Variants in ASB3 observed in about 807,000 individuals in gnomAD.
ASB3 encodes ankyrin repeat and SOCS box protein 3.
In ASB3, 41 loss-of-function variants were observed where a neutral mutation model predicts 54.5. That is an observed-to-expected ratio of 0.75 (90% confidence interval 0.59 to 0.98). ASB3 has a LOEUF of 0.98. Ranked by LOEUF, ASB3 falls within the 50% of genes least tolerant of loss-of-function variation. The probability of loss-of-function intolerance (pLI) is 0.00; values close to 1 mark genes in which losing one functional copy is unlikely to be tolerated. For synonymous variants in ASB3, 266 were observed against 221.2 expected (o/e 1.20, Z -1.80); for missense variants, 733 against 620.0 (o/e 1.18, Z -1.94).
At chr2:53,773,480 G>T (rs1395641771) in intron 1 of ASB3, among the ~76,000 whole-genome samples, 2 of 152,034 alleles carry the variant, frequency 1.3e-5, no homozygotes, top group African/African-American at 4.8e-5. Context: ...ACCCAGGCTT[G>T]AGTTCAGTGG....
chr2:53,725,335 C>T (rs898854484), intron 5 of ASB3, among the ~76,000 whole-genome samples: 1 of 152,202 alleles, frequency 6.6e-6, no homozygotes, highest in Non-Finnish European at 1.5e-5. Context: ...CTGTTGAGTA[C>T]TATGCCCACT....
At chr2:53,767,301 A>C (rs1310348824) in intron 1 of ASB3, 1 of 152,252 alleles carries the variant, frequency 6.6e-6, no homozygotes, top group African/African-American at 2.4e-5. Context: ...TCTATTGTAA[A>C]CTTTCTGCTT....
rs574218764 is a variant in ASB3 at position 53,750,958 on chromosome 2, G to C, written c.197-17C>G. The C allele has an allele frequency of 8.0e-6, 12 of 1,505,746 alleles. No individual in the cohort carries two copies. The highest frequency in any genetic ancestry group is 2.2e-5 in the Admixed American group (1 of 44,606). The allele number at this position is 1,505,746 out of a possible 1,614,324, so 93.3% of individuals were successfully genotyped here. Reference sequence around the variant, plus strand: ...CAGATGAATCTGTGGAAGAATCAAAGCCCATCAACTAGAAGGTATTACTTC... The same window carrying C: ...CAGATGAATCTGTGGAAGAATCAAACCCCATCAACTAGAAGGTATTACTTC... On this transcript the variant is annotated splice_polypyrimidine_tract_variant and intron_variant, in intron 2 of 9. Transcript: ENST00000263634.
At chr2:53,697,254 GA>G (rs1293839786) in intron 8 of ASB3, among the ~76,000 whole-genome samples, 9 of 152,190 alleles carry the variant, frequency 5.9e-5, no homozygotes, top group Non-Finnish European at 1.3e-4. Flanking sequence ...TAAAAAGGGG[GA>G]AACCCTCAGT....
Position 53,765,371 on chromosome 2 carries a change from C to T in ASB3, c.196+6G>A, listed in dbSNP as rs1030724591. ...GCAAAGCCTCCATACCTTGAATTTACTTTACCTGCATTAATTAACATTTGC... is the reference window on the plus strand; with the variant it reads ...GCAAAGCCTCCATACCTTGAATTTATTTTACCTGCATTAATTAACATTTGC... On this transcript the variant is annotated splice_donor_region_variant and intron_variant, in intron 2 of 9. Coordinates refer to ENST00000263634, the MANE Select transcript of ASB3 (RefSeq NM_016115.5). The T allele has an allele frequency of 6.2e-7, 1 of 1,614,010 alleles. No homozygotes were observed. The highest frequency in any genetic ancestry group is 8.5e-7 in the Non-Finnish European group (1 of 1,180,002).
Position 53,775,189 on chromosome 2 carries a change from A to G in ASB3, c.-13-9604T>C, listed in dbSNP as rs955618384. The stretch of plus-strand genomic sequence containing the variant: ...CATAAATTACATTATACAAATCATG[A>G]TCACTAATGATGTAGTCTGTCATTC... On this transcript the variant is annotated intron_variant, in intron 1 of 9. Transcript: ENST00000263634. 6 of 152,728 alleles carry G rather than the reference A, an allele frequency of 3.9e-5. No individual in the cohort carries two copies. In the South Asian group the frequency reaches 1.2e-3, roughly 32 times the overall value. 9.5% of individuals were successfully genotyped at this position (152,728 alleles called of 1,614,324 possible). A position where few individuals can be genotyped will look rare whatever the true frequency, so the allele number is the denominator to read the frequency against.
intron 9 of ASB3, among the ~76,000 whole-genome samples, chr2:53,672,305 C>T (rs1256687431): frequency 6.6e-6 from 1 of 152,128 alleles, no homozygotes; most frequent in Admixed American, 6.6e-5. Context: ...ATAGCACGCA[C>T]ATTTATTTCT....
At chr2:53,737,970 A>G (rs1000379105) in intron 3 of ASB3, among the ~76,000 whole-genome samples, 1 of 152,224 alleles carries the variant, frequency 6.6e-6, no homozygotes, top group African/African-American at 2.4e-5. Flanking sequence ...GACAAGAAAT[A>G]GATAAATCCA....
intron 9 of ASB3, among the ~76,000 whole-genome samples, chr2:53,673,575 C>T (rs1374002986): frequency 1.3e-5 from 2 of 152,134 alleles, no homozygotes; most frequent in Non-Finnish European, 2.9e-5. Flanking sequence ...TAGACCAGTT[C>T]GCATTTGTTA....
At chr2:53,721,952 T>TA (rs1024863148) in intron 5 of ASB3, among the ~76,000 whole-genome samples, 6 of 151,330 alleles carry the variant, frequency 4.0e-5, no homozygotes, top group South Asian at 2.1e-4. Context: ...GCTAGCTAGA[T>TA]AAAAAAAAGA....
At chr2:53,786,259 G>A (rs193205566) in intron 1 of ASB3, 6 of 152,262 alleles carry the variant, frequency 3.9e-5, no homozygotes, top group African/African-American at 1.4e-4. Context: ...TTCATCTGGC[G>A]CTAAACCTCA....
intron 5 of ASB3, among the ~76,000 whole-genome samples, chr2:53,726,689 T>C (rs145624599): frequency 4.0e-3 from 611 of 151,620 alleles, no homozygotes; most frequent in Middle Eastern, 0.017. Flanking sequence ...CATATATATA[T>C]ATAGTTTTGT....
Position 53,700,441 on chromosome 2 carries a change from C to T in ASB3, c.1068G>A (p.Glu356=). The T allele has an allele frequency of 6.2e-7, 1 of 1,614,102 alleles. No homozygotes were observed. Among genetic ancestry groups the T allele is most frequent in the Non-Finnish European group, 8.5e-7 (1 of 1,179,996 alleles). ...AAAAGTAGCGAAATATCGAAAACTT[C>T]TCGTACTTCAGGCAGTATGCCAAAT... ...ELHLAYCLKY[E]KFSIFRYFLR... is the part of the protein sequence containing the mutation. Residue 356 remains glutamate, a synonymous_variant, in exon 8 of 10, where the codon GAG becomes GAA. Transcript: ENST00000263634.
chr2:53,745,543 A>T (rs1236747222), intron 3 of ASB3, among the ~76,000 whole-genome samples: 1 of 152,186 alleles, frequency 6.6e-6, no homozygotes, highest in Non-Finnish European at 1.5e-5. Flanking sequence ...CCCTCCATTT[A>T]GCTTTATGTT....
chr2:53,697,867 AC>A (rs2103751671), intron 8 of ASB3, among the ~76,000 whole-genome samples: 2 of 151,894 alleles, frequency 1.3e-5, no homozygotes, highest in South Asian at 4.2e-4. Context: ...GCTCAGTCCC[AC>A]CCCTATGGCG....
At chr2:53,767,706 G>C (rs1673568395) in intron 1 of ASB3, 4 of 682,450 alleles carry the variant, frequency 5.9e-6, no homozygotes, top group Non-Finnish European at 9.7e-6. Flanking sequence ...ATAAAATAAA[G>C]CTGACTGAGA....
intron 1 of ASB3, among the ~76,000 whole-genome samples, chr2:53,776,535 T>A (rs942403751): frequency 6.6e-6 from 1 of 152,214 alleles, no homozygotes; most frequent in Non-Finnish European, 1.5e-5. Flanking sequence ...TTGGCCAGTG[T>A]AGTGGCTCAC....
intron 9 of ASB3, among the ~76,000 whole-genome samples, chr2:53,688,907 C>T (rs1164115606): frequency 6.6e-6 from 1 of 151,548 alleles, no homozygotes; most frequent in African/African-American, 2.4e-5. Context: ...ACGTCCTGCA[C>T]ATGTATCCCA....
chr2:53,745,600 G>A (rs762747977), intron 3 of ASB3, among the ~76,000 whole-genome samples: 4 of 152,052 alleles, frequency 2.6e-5, no homozygotes, highest in African/African-American at 9.7e-5. Flanking sequence ...CAACTTTTCC[G>A]GTCACCTGGG....
Sources: gnomAD v4.1 joint callset for allele counts (sites outside exome capture counted in the v4.1 genomes callset) on GRCh38, gnomAD v4.1.1 for gene constraint, MANE v1.5 for transcripts, NCBI Gene and HGNC (gene_info 2026-07-23, HGNC 2026-07-21) for gene names.